The following CNTLN variants were observed in gnomAD, a reference collection of about 807,000 sequenced individuals.
The protein encoded by CNTLN is centlein, centrosomal protein.
In CNTLN, 212 loss-of-function variants were observed where a neutral mutation model predicts 180.0. The observed-to-expected ratio is 1.18, with a 90% CI of 1.05 to 1.32. The LOEUF (loss-of-function observed/expected upper bound fraction) is 1.32, where lower values mean the gene tolerates loss of function less well. CNTLN is among the 40% of genes most tolerant of loss of function. The probability of loss-of-function intolerance (pLI) is 0.00; values close to 1 mark genes in which losing one functional copy is unlikely to be tolerated. For missense variants in CNTLN, 2,095 were observed against 1,610.9 expected (o/e 1.30, Z -5.14); for synonymous variants, 722 against 563.1 (o/e 1.28, Z -3.99).
intron 12 of CNTLN, among the ~76,000 whole-genome samples, chr9:17,358,060 T>G (rs1304604217): frequency 2.0e-5 from 3 of 152,008 alleles, no homozygotes; most frequent in Non-Finnish European, 2.9e-5. Context: ...TATTTTCCAA[T>G]ATTTGTAGTT....
At chr9:17,348,532 CTTT>C (rs35021719) in intron 12 of CNTLN, among the ~76,000 whole-genome samples, 3 of 140,986 alleles carry the variant, frequency 2.1e-5, no homozygotes. Context: ...TTCTTTCTTT[CTTT>C]TTTTTTTTTT....
At position 17,179,261 on chromosome 9, in the gene CNTLN, A is replaced by AAAAAAAG. The variant is rs762439606; in HGVS notation, c.449+35887_449+35888insAAAAGAA. 3.4e-3 allele frequency among the ~76,000 whole-genome samples: 468 copies of AAAAAAAG among 138,566 alleles called. 11 individuals are homozygous for AAAAAAAG. The highest frequency in any genetic ancestry group is 0.013 in the African/African-American group (433 of 32,852). 90.9% of individuals were successfully genotyped at this position (138,566 alleles called of 152,430 possible). Reference sequence around the variant, plus strand: ...TCCGTCTCAAAAAAAAAAAAAAAAAAAAGAAGAAGTGTAGATTATTGATTT... The same window carrying AAAAAAAG: ...TCCGTCTCAAAAAAAAAAAAAAAAAAAAAAAAGAAGAAGAAGTGTAGATTATTGATTT... On this transcript the variant is annotated intron_variant, in intron 2 of 25. Transcript: ENST00000380647.
intron 6 of CNTLN, among the ~76,000 whole-genome samples, chr9:17,277,740 T>G (rs964924787): frequency 6.6e-6 from 1 of 152,008 alleles, no homozygotes; most frequent in Non-Finnish European, 1.5e-5. Context: ...GCGAAACATA[T>G]TAGGAAATAA....
chr9:17,374,658 G>A (rs112596653), intron 13 of CNTLN, among the ~76,000 whole-genome samples: 1,730 of 152,150 alleles, frequency 0.011, 36 homozygotes, highest in African/African-American at 0.039. Flanking sequence ...TCAGGAGTTT[G>A]AGACCAGCCT....
intron 10 of CNTLN, among the ~76,000 whole-genome samples, chr9:17,340,274 A>G (rs1164896817): frequency 6.6e-6 from 1 of 152,194 alleles, no homozygotes; most frequent in Admixed American, 6.5e-5. Flanking sequence ...TAGCTTTCCC[A>G]TTCCAGTTCT....
intron 18 of CNTLN, among the ~76,000 whole-genome samples, chr9:17,440,118 A>C (rs940548578): frequency 5.3e-5 from 8 of 152,236 alleles, no homozygotes; most frequent in Non-Finnish European, 7.3e-5. Flanking sequence ...AAACATTAAC[A>C]AGTGTTGATA....
intron 8 of CNTLN, among the ~76,000 whole-genome samples, chr9:17,318,186 C>G (rs1465840679): frequency 6.6e-6 from 1 of 151,806 alleles, no homozygotes; most frequent in Non-Finnish European, 1.5e-5. Context: ...CACCACCACG[C>G]CCGGCTAATT....
At chr9:17,150,997 G>A (rs948709691) in intron 2 of CNTLN, among the ~76,000 whole-genome samples, 2 of 152,148 alleles carry the variant, frequency 1.3e-5, no homozygotes, top group African/African-American at 4.8e-5. Flanking sequence ...CATTGATTTT[G>A]TATCCTGAGA....
At chr9:17,507,187 T>C (rs139676951), downstream of CNTLN, among the ~76,000 whole-genome samples, 5 of 152,172 alleles carry the variant, frequency 3.3e-5, no homozygotes, top group African/African-American at 4.8e-5. Context: ...TTTCCATCTT[T>C]GTATTTGTGT....
At chr9:17,495,478 A>G (rs1270316334) in intron 25 of CNTLN, among the ~76,000 whole-genome samples, 2 of 152,152 alleles carry the variant, frequency 1.3e-5, no homozygotes, top group African/African-American at 4.8e-5. Context: ...AAAAATACAA[A>G]ATTATTTATA....
chr9:17,418,154 G>T (rs1427249485), intron 18 of CNTLN, among the ~76,000 whole-genome samples: 1 of 151,708 alleles, frequency 6.6e-6, no homozygotes, highest in East Asian at 1.9e-4. Flanking sequence ...ATGATAGAAA[G>T]GTCCAAGAAC....
intron 6 of CNTLN, among the ~76,000 whole-genome samples, chr9:17,295,462 G>T (rs1438164449): frequency 3.3e-5 from 5 of 152,184 alleles, no homozygotes; most frequent in Admixed American, 2.6e-4. Context: ...TGGCTCCCAG[G>T]TGGGCCGTCG....
chr9:17,403,636 G>A (rs1827151577), intron 15 of CNTLN, among the ~76,000 whole-genome samples: 1 of 151,190 alleles, frequency 6.6e-6, no homozygotes, highest in South Asian at 2.1e-4. Context: ...TTTACAAAAT[G>A]ACTTATATAT....
chr9:17,149,258 A>C (rs1318571509), intron 2 of CNTLN, among the ~76,000 whole-genome samples: 1 of 152,138 alleles, frequency 6.6e-6, no homozygotes, highest in African/African-American at 2.4e-5. Context: ...TGCTATTGTG[A>C]ATACTGCCAC....
chr9:17,455,373 C>A (rs112708877), intron 18 of CNTLN, among the ~76,000 whole-genome samples: 1,636 of 152,266 alleles, frequency 0.011, 26 homozygotes, highest in African/African-American at 0.037. Context: ...TTACTGCCTC[C>A]ATAATTTCAG....
chr9:17,341,067 T>C, intron 11 of CNTLN, 119 bp downstream of exon 11: 2 of 874,958 alleles, frequency 2.3e-6, no homozygotes, highest in South Asian at 6.8e-5. Flanking sequence ...AGTCAAATCT[T>C]TATTGTGAAT....
intron 23 of CNTLN, among the ~76,000 whole-genome samples, chr9:17,471,237 C>A (rs1832029875): frequency 6.6e-6 from 1 of 151,858 alleles, no homozygotes; most frequent in South Asian, 2.1e-4. Context: ...TTTTGCCTTC[C>A]TCACAATGTA....
chr9:17,371,864 C>T (rs888614669), intron 13 of CNTLN, among the ~76,000 whole-genome samples: 4 of 152,016 alleles, frequency 2.6e-5, no homozygotes, highest in African/African-American at 7.2e-5. Flanking sequence ...TCCTGAATGA[C>T]CCGTGTGTCA....
In CNTLN at chr9:17,377,598, A is replaced by C. The variant is rs1289927971; in HGVS notation, c.1988-10564A>C. Among the ~76,000 whole-genome samples, 5 of 152,270 alleles carry C rather than the reference A, an allele frequency of 3.3e-5. No individual in the cohort carries two copies. In the East Asian group the frequency reaches 9.6e-4, roughly 29 times the overall value. ...AAAACAAAAAACAAGCATTTTTTTC[A>C]AGAAGGAATGAAAGTAGCCATATTT... On this transcript the variant is annotated intron_variant, in intron 13 of 25. Transcript: ENST00000380647.
Sources: allele counts gnomAD v4.1 joint callset (sites outside exome capture counted in the v4.1 genomes callset), GRCh38; gene constraint gnomAD v4.1.1; transcripts MANE v1.5; gene names NCBI Gene and HGNC (gene_info 2026-07-23, HGNC 2026-07-21).